The following KIAA1217 variants were observed in gnomAD, a reference collection of about 807,000 sequenced individuals.
The protein encoded by KIAA1217 is sickle tail protein homolog.
In KIAA1217, 88 loss-of-function variants were observed where a neutral mutation model predicts 163.9. The observed-to-expected ratio is 0.54, with a 90% CI of 0.45 to 0.64. The LOEUF is 0.64. Among genes scored for constraint, KIAA1217 ranks in the 30% least tolerant of loss-of-function variants. The pLI, the probability that KIAA1217 is intolerant of heterozygous loss-of-function variation, is 0.00. For synonymous variants in KIAA1217, 903 were observed against 923.1 expected (o/e 0.98, Z 0.39); for missense variants, 2,372 against 2,475.0 (o/e 0.96, Z 0.88).
At chr10:23,998,516 A>G (rs530723174) in intron 1 of KIAA1217, among the ~76,000 whole-genome samples, 2 of 152,372 alleles carry the variant, frequency 1.3e-5, no homozygotes, top group South Asian at 4.1e-4. Context: ...TGATTCCCCA[A>G]TCTGCAGACA....
chr10:23,903,844 G>C (rs1842046208), intron 1 of KIAA1217, among the ~76,000 whole-genome samples: 1 of 152,034 alleles, frequency 6.6e-6, no homozygotes, highest in Non-Finnish European at 1.5e-5. Context: ...TGGGAACTGG[G>C]ATAGCTTCCC....
chr10:24,196,866 T>C (rs111869882), intron 2 of KIAA1217, among the ~76,000 whole-genome samples: 1,525 of 152,270 alleles, frequency 0.01, 30 homozygotes, highest in African/African-American at 0.034. Context: ...CCTGGGCTAA[T>C]AGGGGAAAAT....
chr10:24,384,576 G>A (rs543468593), intron 3 of KIAA1217, among the ~76,000 whole-genome samples: 4 of 152,276 alleles, frequency 2.6e-5, no homozygotes, highest in South Asian at 4.1e-4. Context: ...GCTCAGTGTC[G>A]CCCAGGCTGG....
chr10:24,179,505 A>G (rs2066067566), intron 2 of KIAA1217, among the ~76,000 whole-genome samples: 1 of 152,128 alleles, frequency 6.6e-6, no homozygotes, highest in Non-Finnish European at 1.5e-5. Flanking sequence ...CTCCCCAGCC[A>G]TGCTTCCTGT....
intron 3 of KIAA1217, among the ~76,000 whole-genome samples, chr10:24,422,647 C>G (rs986487988): frequency 6.6e-6 from 1 of 152,186 alleles, no homozygotes; most frequent in Non-Finnish European, 1.5e-5. Flanking sequence ...AGTCTGAATT[C>G]CAGAAATCAT....
At chr10:23,938,721 A>G (rs997999851) in intron 1 of KIAA1217, among the ~76,000 whole-genome samples, 7 of 151,874 alleles carry the variant, frequency 4.6e-5, no homozygotes, top group Non-Finnish European at 1.0e-4. Flanking sequence ...ACTATTTTAT[A>G]TAAGGGGCTT....
At chr10:23,843,779 T>C (rs1037836601) in intron 1 of KIAA1217, among the ~76,000 whole-genome samples, 95 of 152,292 alleles carry the variant, frequency 6.2e-4, no homozygotes, top group African/African-American at 2.1e-3. Context: ...GGGTCTTTTT[T>C]CTTGAACTGG....
intron 1 of KIAA1217, among the ~76,000 whole-genome samples, chr10:23,740,653 C>T (rs1011798965): frequency 1.3e-5 from 2 of 152,144 alleles, no homozygotes; most frequent in African/African-American, 2.4e-5. Flanking sequence ...AGCCATTATA[C>T]CTGGCCTTGT....
At chr10:24,430,495 C>T (rs1352264458) in intron 3 of KIAA1217, among the ~76,000 whole-genome samples, 7 of 152,236 alleles carry the variant, frequency 4.6e-5, no homozygotes, top group South Asian at 4.1e-4. Flanking sequence ...ATGATTCAAA[C>T]GCATTACATT....
At chr10:23,820,077 C>T (rs1012282453) in intron 1 of KIAA1217, among the ~76,000 whole-genome samples, 1 of 152,158 alleles carries the variant, frequency 6.6e-6, no homozygotes, top group East Asian at 1.9e-4. Context: ...AATTATTCAA[C>T]TTTTTATTAC....
rs1449073087 is a variant in KIAA1217 at position 23,695,425 on chromosome 10, C to A, written c.-321+191C>A. ...GGCCAGGCCGGGAGGGGTCCCGGTG[C>A]GGTGATGGGGTGCCAAAAGGAGAAG... On this transcript the variant is annotated intron_variant, in intron 1 of 18. Transcript: ENST00000376462. The surrounding 1 kb of genome is among the most constrained non-coding windows in gnomAD (Gnocchi z 4.9). Among the ~76,000 whole-genome samples, 1 of 152,050 alleles carries A rather than the reference C, an allele frequency of 6.6e-6. No individual in the cohort carries two copies. The highest frequency in any genetic ancestry group is 1.5e-5 in the Non-Finnish European group (1 of 67,998).
intron 1 of KIAA1217, among the ~76,000 whole-genome samples, chr10:23,736,898 T>A (rs1317026424): frequency 6.6e-6 from 1 of 152,210 alleles, no homozygotes; most frequent in African/African-American, 2.4e-5. Flanking sequence ...TGGGCTATTC[T>A]TGGCCTTTGT....
chr10:24,096,234 A>C (rs899149403), intron 2 of KIAA1217, among the ~76,000 whole-genome samples: 21 of 152,224 alleles, frequency 1.4e-4, no homozygotes, highest in Admixed American at 1.4e-3. Context: ...CTAAAAGCTT[A>C]GACATTATCC....
rs1840005150 is a variant in KIAA1217 at position 23,862,568 on chromosome 10, T to C, written c.-320-144657T>C. 3.3e-5 allele frequency among the ~76,000 whole-genome samples: 5 copies of C among 152,094 alleles called. No homozygotes were observed. The South Asian group carries it at 6.2e-4, about 19-fold the overall frequency. Reference sequence around the variant, plus strand: ...ATTATAGTTTAAGATATAGGGAAATTTTGTAATTACTTATACTTTTATCCA... The same window carrying C: ...ATTATAGTTTAAGATATAGGGAAATCTTGTAATTACTTATACTTTTATCCA... On this transcript the variant is annotated intron_variant, in intron 1 of 18. Coordinates refer to the KIAA1217 transcript ENST00000376462.
intron 1 of KIAA1217, among the ~76,000 whole-genome samples, chr10:23,799,141 G>T (rs1402441844): frequency 6.6e-6 from 1 of 152,092 alleles, no homozygotes; most frequent in East Asian, 1.9e-4. Flanking sequence ...CCTGTATGTG[G>T]CAGTCTCCAT....
Position 23,897,582 on chromosome 10 carries a change from A to T in KIAA1217, c.-320-109643A>T, listed in dbSNP as rs1231631599. On this transcript the variant is annotated intron_variant, in intron 1 of 18. Transcript: ENST00000376462. ...CTATGGAGCCAGGGTACCTGGGGTG[A>T]ATCACAATCCTTTCTGTATTGAATG... Among the ~76,000 whole-genome samples the T allele has an allele frequency of 7.9e-5, 12 of 152,164 alleles. No homozygotes were observed. In the East Asian group the frequency reaches 2.3e-3, roughly 30 times the overall value.
chr10:24,036,375 G>A (rs867306233), intron 2 of KIAA1217, among the ~76,000 whole-genome samples: 6 of 152,182 alleles, frequency 3.9e-5, no homozygotes, highest in East Asian at 1.9e-4. Flanking sequence ...GGGAGGCCCA[G>A]AAGTACAATG....
intron 5 of KIAA1217, among the ~76,000 whole-genome samples, chr10:24,439,040 G>A (rs982307798): frequency 1.3e-5 from 2 of 152,148 alleles, no homozygotes; most frequent in East Asian, 3.8e-4. Context: ...AAATCCGCAT[G>A]ATTTGGGAAC....
intron 5 of KIAA1217, among the ~76,000 whole-genome samples, chr10:24,454,224 G>A (rs1376042527): frequency 6.6e-6 from 1 of 152,132 alleles, no homozygotes; most frequent in Non-Finnish European, 1.5e-5. Context: ...ATTTATTTAA[G>A]GTCTCTCCAG....
Sources: allele counts gnomAD v4.1 joint callset (sites outside exome capture counted in the v4.1 genomes callset), GRCh38; gene constraint gnomAD v4.1.1; non-coding constraint Gnocchi (gnomAD v3.1); transcripts MANE v1.5; gene names NCBI Gene and HGNC (gene_info 2026-07-23, HGNC 2026-07-21).